RBM47: variants seen among roughly 807,000 people sequenced by gnomAD.
The protein encoded by RBM47 is RNA-binding protein 47.
In RBM47, 21 loss-of-function variants were observed where a neutral mutation model predicts 47.1. The observed-to-expected ratio is 0.45, with a 90% confidence interval of 0.32 to 0.64. The LOEUF (loss-of-function observed/expected upper bound fraction) is 0.64, where lower values mean the gene tolerates loss of function less well. RBM47 is among the 30% of genes least tolerant of loss of function. The pLI, the probability that RBM47 is intolerant of heterozygous loss-of-function variation, is 0.05. For missense variants in RBM47, 708 were observed against 870.9 expected (o/e 0.81, Z 2.35); for synonymous variants, 375 against 361.7 (o/e 1.04, Z -0.42).
At chr4:40,604,444 G>A (rs183717736) in intron 1 of RBM47, among the ~76,000 whole-genome samples, 3 of 152,204 alleles carry the variant, frequency 2.0e-5, no homozygotes, top group African/African-American at 7.2e-5. Context: ...GGGCAACATA[G>A]CAAAACTCCA....
chr4:40,503,087 T>C (rs1460518127), intron 2 of RBM47, among the ~76,000 whole-genome samples: 1 of 151,984 alleles, frequency 6.6e-6, no homozygotes, highest in African/African-American at 2.4e-5. Context: ...AAACAGTGAC[T>C]AAAGTCTGAC....
chr4:40,490,745 C>CA (rs1290391208), intron 2 of RBM47, among the ~76,000 whole-genome samples: 13 of 141,348 alleles, frequency 9.2e-5, no homozygotes, highest in Admixed American at 3.6e-4. Flanking sequence ...GACTCTGTCT[C>CA]AAAAAAAAAA....
chr4:40,627,241 A>G (rs1349157353), intron 1 of RBM47, among the ~76,000 whole-genome samples: 1 of 152,178 alleles, frequency 6.6e-6, no homozygotes, highest in African/African-American at 2.4e-5. Context: ...TTGTAACTTC[A>G]TCAAAGTTTG....
In RBM47 at chr4:40,437,073, C is replaced by CAAAAAAAAAAAAAAAA. The variant is rs750922605; in HGVS notation, c.1124-442_1124-427dup. The stretch of plus-strand genomic sequence containing the variant: ...TGGGGAGCATGGTGAGACCCTGTCT[C>CAAAAAAAAAAAAAAAA]AAAAAAAAAAAAAAAAAATATATAT... On this transcript the variant is annotated intron_variant, in intron 4 of 6. Transcript: ENST00000295971. Among the ~76,000 whole-genome samples the CAAAAAAAAAAAAAAAA allele has an allele frequency of 3.1e-3, 65 of 21,284 alleles. 17 individuals are homozygous for CAAAAAAAAAAAAAAAA. The highest frequency in any genetic ancestry group is 3.8e-3 in the Non-Finnish European group (46 of 12,042). 14.0% of individuals were successfully genotyped at this position (21,284 alleles called of 152,430 possible). A position where few individuals can be genotyped will look rare whatever the true frequency, so the allele number is the denominator to read the frequency against.
At chr4:40,584,948 A>T (rs1733399102) in intron 1 of RBM47, among the ~76,000 whole-genome samples, 1 of 152,162 alleles carries the variant, frequency 6.6e-6, no homozygotes, top group Non-Finnish European at 1.5e-5. Context: ...TGATACAAAG[A>T]ATCTGTTCCA....
intron 1 of RBM47, among the ~76,000 whole-genome samples, chr4:40,546,529 G>A (rs549978634): frequency 3.7e-4 from 56 of 152,022 alleles, no homozygotes; most frequent in African/African-American, 1.3e-3. Flanking sequence ...TCATTCCTGC[G>A]ATCCCCTCCA....
intron 1 of RBM47, among the ~76,000 whole-genome samples, chr4:40,561,181 G>A (rs1423635287): frequency 6.6e-6 from 1 of 151,592 alleles, no homozygotes; most frequent in African/African-American, 2.4e-5. Flanking sequence ...CCAAGAGGCA[G>A]GATGGGACTT....
intron 1 of RBM47, among the ~76,000 whole-genome samples, chr4:40,571,426 A>G (rs1731696763): frequency 6.6e-6 from 1 of 152,010 alleles, no homozygotes; most frequent in Non-Finnish European, 1.5e-5. Flanking sequence ...AGTTGTATCT[A>G]TACCTTGTAA....
intron 2 of RBM47, among the ~76,000 whole-genome samples, chr4:40,494,846 G>GA (rs1316168167): frequency 6.6e-6 from 1 of 152,148 alleles, no homozygotes; most frequent in African/African-American, 2.4e-5. Flanking sequence ...AACATATAGA[G>GA]AAAAACAGTC....
chr4:40,522,302 C>T (rs997924815), intron 2 of RBM47, among the ~76,000 whole-genome samples: 5 of 152,122 alleles, frequency 3.3e-5, no homozygotes, highest in Admixed American at 6.5e-5. Context: ...GTCAGGAGTT[C>T]GAGACCAGCC....
chr4:40,543,136 G>C (rs2154262303), intron 2 of RBM47: 1 of 152,318 alleles, frequency 6.6e-6, no homozygotes, highest in South Asian at 2.1e-4. Context: ...GTTAAAGTCT[G>C]TCTCAATCAG....
intron 2 of RBM47, among the ~76,000 whole-genome samples, chr4:40,505,791 C>T (rs1724021312): frequency 1.3e-5 from 2 of 151,780 alleles, no homozygotes. Context: ...ACTCAGAAGG[C>T]TGAGACACGA....
intron 2 of RBM47, among the ~76,000 whole-genome samples, chr4:40,509,188 T>TA (rs543483077): frequency 1.9e-3 from 284 of 147,752 alleles, no homozygotes; most frequent in East Asian, 0.011. Flanking sequence ...AATAAATAAA[T>TA]AATAATAATA....
intron 1 of RBM47, among the ~76,000 whole-genome samples, chr4:40,582,564 A>G (rs1453278866): frequency 1.3e-5 from 2 of 151,998 alleles, no homozygotes; most frequent in Non-Finnish European, 2.9e-5. Flanking sequence ...AAAAACAAAA[A>G]CTAGGATCTG....
At chr4:40,616,368 G>A (rs12642959) in intron 1 of RBM47, among the ~76,000 whole-genome samples, 233 of 141,028 alleles carry the variant, frequency 1.7e-3, no homozygotes, top group Non-Finnish European at 1.8e-3. Flanking sequence ...AAAAAAAAAA[G>A]AAAAAAAAAA....
chr4:40,561,481 A>T (rs1730616915), intron 1 of RBM47, among the ~76,000 whole-genome samples: 1 of 148,018 alleles, frequency 6.8e-6, no homozygotes. Context: ...GCCTTGCCCT[A>T]CCAAAGTGCT....
intron 3 of RBM47, among the ~76,000 whole-genome samples, chr4:40,456,571 CTTTTTTTT>C (rs34320480): frequency 8.9e-6 from 1 of 112,578 alleles, no homozygotes; most frequent in Non-Finnish European, 1.7e-5. Context: ...TTTCTTTTTT[CTTTTTTTT>C]TTTTTTTTGA....
intron 2 of RBM47, among the ~76,000 whole-genome samples, chr4:40,491,108 T>C (rs1721808665): frequency 6.6e-6 from 1 of 152,130 alleles, no homozygotes; most frequent in East Asian, 1.9e-4. Context: ...GGCAGCGTGG[T>C]ACTGGCATAA....
In RBM47 at chr4:40,436,560, C is replaced by A; in HGVS notation, c.1211G>T (p.Gly404Val). Residue 404 changes from glycine (G) to valine (V), a missense_variant, in exon 5 of 7, where the codon GGT (glycine) becomes GTT (valine). Transcript: ENST00000295971. Reference sequence around the variant, plus strand: ...ATGATATCGGCTATATATACCACGACCAGCAGAATATCCCCCGAGGTAGGA... The same window carrying A: ...ATGATATCGGCTATATATACCACGAACAGCAGAATATCCCCCGAGGTAGGA... Reference protein sequence around the residue: ...RGSYLGGYSAGRGIYSRYHEG... With the variant: ...RGSYLGGYSAVRGIYSRYHEG... 1.9e-6 allele frequency: 3 copies of A among 1,614,140 alleles called. No homozygotes were observed. The highest frequency in any genetic ancestry group is 8.5e-7 in the Non-Finnish European group (1 of 1,180,016).
Sources: gnomAD v4.1 joint callset for allele counts (sites outside exome capture counted in the v4.1 genomes callset) on GRCh38, gnomAD v4.1.1 for gene constraint, MANE v1.5 for transcripts, NCBI Gene and HGNC (gene_info 2026-07-23, HGNC 2026-07-21) for gene names.